Variants in TPP2 observed in about 807,000 individuals in gnomAD.
TPP2 encodes tripeptidyl-peptidase 2.
TPP2 carries 34 observed loss-of-function variants against 155.9 expected under a neutral mutation model. The ratio of observed to expected loss-of-function variants is 0.22; its 90% confidence interval spans 0.17 to 0.29. TPP2 has a LOEUF of 0.29. Among genes scored for constraint, TPP2 ranks in the 10% least tolerant of loss-of-function variants. TPP2 has a pLI of 1.00. For synonymous variants in TPP2, 510 were observed against 529.4 expected (o/e 0.96, Z 0.50); for missense variants, 1,028 against 1,522.3 (o/e 0.68, Z 5.40).
At chr13:102,656,026 C>G (rs1446662409) in intron 24 of TPP2, among the ~76,000 whole-genome samples, 1 of 152,154 alleles carries the variant, frequency 6.6e-6, no homozygotes, top group Non-Finnish European at 1.5e-5. Flanking sequence ...CAAATCTATT[C>G]ATTTTCTCCC....
chr13:102,618,922 A>C, intron 5 of TPP2, 76 bp downstream of exon 5: 1 of 1,484,294 alleles, frequency 6.7e-7, no homozygotes, highest in Non-Finnish European at 8.9e-7. Context: ...AAATGCTCAG[A>C]GCTGCACAGA....
At position 102,674,421 on chromosome 13, in the gene TPP2, A is replaced by G; in HGVS notation, c.3510A>G (p.Glu1170=). 6.2e-7 allele frequency: 1 copy of G among 1,613,964 alleles called. No homozygotes were observed. The highest frequency in any genetic ancestry group is 8.5e-7 in the Non-Finnish European group (1 of 1,179,874). Residue 1170 remains glutamate (E), a synonymous_variant, in exon 28 of 30, where the codon GAA becomes GAG. Coordinates refer to ENST00000376052, the MANE Select transcript of TPP2 (RefSeq NM_001330588.2). ...CAGAAGGAAAGGAGGAGGAAGGAGA[A>G]AGTCCTTTGGATTCTCTGGCAGAAA... The part of the protein sequence containing the change: ...TDAEGKEEEG[E]SPLDSLAETF...
chr13:102,678,621 G>A lies in TPP2; in HGVS notation c.*305G>A, dbSNP rs1163627255. 9.1e-6 allele frequency: 2 copies of A among 219,078 alleles called. No individual in the cohort carries two copies. The highest frequency in any genetic ancestry group is 1.8e-5 in the Non-Finnish European group (2 of 109,716). The allele number at this position is 219,078 out of a possible 1,614,324, so 13.6% of individuals were successfully genotyped here. ...TGACATGCATGATAGGTTTTGGAAGGTAACTTTTAACTGCAAACCTATAAA... is the reference window on the plus strand; with the variant it reads ...TGACATGCATGATAGGTTTTGGAAGATAACTTTTAACTGCAAACCTATAAA... On this transcript the variant is annotated 3_prime_UTR_variant, in exon 30 of 30. Transcript: ENST00000376052.
At position 102,673,160 on chromosome 13, in the gene TPP2, A is replaced by G. The variant is rs557123028; in HGVS notation, c.3372-1123A>G. 3.3e-5 allele frequency among the ~76,000 whole-genome samples: 5 copies of G among 152,304 alleles called. No individual in the cohort carries two copies. The South Asian group carries it at 6.2e-4, about 19-fold the overall frequency. On this transcript the variant is annotated intron_variant, in intron 27 of 29. Coordinates refer to ENST00000376052, the MANE Select transcript of TPP2 (RefSeq NM_001330588.2). Reference sequence around the variant, plus strand: ...GTACTTAGCGTTCATGTTCCCTGCCATGCGGCCTCTTAGATTAACAGGACT... The same window carrying G: ...GTACTTAGCGTTCATGTTCCCTGCCGTGCGGCCTCTTAGATTAACAGGACT...
At chr13:102,632,389 T>A (rs1882078315) in intron 10 of TPP2, among the ~76,000 whole-genome samples, 1 of 151,754 alleles carries the variant, frequency 6.6e-6, no homozygotes, top group Non-Finnish European at 1.5e-5. Flanking sequence ...TTACAGGCGC[T>A]CACCACCACA....
At chr13:102,604,408 T>A (rs756711974) in intron 1 of TPP2, among the ~76,000 whole-genome samples, 3 of 152,316 alleles carry the variant, frequency 2.0e-5, no homozygotes, top group Non-Finnish European at 4.4e-5. Flanking sequence ...TTTTCCCTAA[T>A]ACCCAGTGTG....
intron 12 of TPP2, 42 bp from the exon 13 acceptor site, chr13:102,636,182 A>G: frequency 6.6e-7 from 1 of 1,519,776 alleles, no homozygotes. Context: ...ATATTTTTTG[A>G]CCCAACCATT....
rs115028865 is a variant in TPP2 at position 102,672,356 on chromosome 13, G to A, written c.3372-1927G>A. Among the ~76,000 whole-genome samples the A allele has an allele frequency of 4.9e-3, 752 of 152,284 alleles. 7 individuals are homozygous for A. The highest frequency in any genetic ancestry group is 0.017 in the African/African-American group (715 of 41,546). ...CAGTCCTGCTTGTGAATGATCAGAGGTTGGGTTTTGGGGACAGGAGGAAAC... is the reference window on the plus strand; with the variant it reads ...CAGTCCTGCTTGTGAATGATCAGAGATTGGGTTTTGGGGACAGGAGGAAAC... On this transcript the variant is annotated intron_variant, in intron 27 of 29. Coordinates refer to ENST00000376052, the MANE Select transcript of TPP2 (RefSeq NM_001330588.2).
Position 102,670,949 on chromosome 13 carries a change from C to T in TPP2, c.3372-3334C>T, listed in dbSNP as rs188170230. On this transcript the variant is annotated intron_variant, in intron 27 of 29. Coordinates refer to ENST00000376052, the MANE Select transcript of TPP2 (RefSeq NM_001330588.2). Reference sequence around the variant, plus strand: ...CATATAGACTTACAAGTCCTGGCTCCGTTGGAGCTGCTAGTAAAATATCAT... The same window carrying T: ...CATATAGACTTACAAGTCCTGGCTCTGTTGGAGCTGCTAGTAAAATATCAT... Among the ~76,000 whole-genome samples the T allele has an allele frequency of 1.5e-3, 236 of 152,272 alleles. 1 individual carries two copies. Among genetic ancestry groups the T allele is most frequent in the African/African-American group, 5.3e-3 (221 of 41,556 alleles).
At chr13:102,676,496 G>A in intron 29 of TPP2, 81 bp downstream of exon 29, 1 of 1,515,738 alleles carries the variant, frequency 6.6e-7, no homozygotes. Context: ...GATTAGGACT[G>A]TGATATAGCA....
chr13:102,610,854 C>A (rs1475891634), intron 2 of TPP2, among the ~76,000 whole-genome samples: 1 of 152,120 alleles, frequency 6.6e-6, no homozygotes, highest in Non-Finnish European at 1.5e-5. Context: ...TAGCTAACAC[C>A]ATTGTACCCA....
chr13:102,647,207 C>A lies in TPP2; in HGVS notation c.2491C>A (p.Pro831Thr). Reference sequence around the variant, plus strand: ...AGTAATCTTTTTTGTTTTTTAATAGCCCAAGAGTGGGGAAGTAACTCCAAG... The same window carrying A: ...AGTAATCTTTTTTGTTTTTTAATAGACCAAGAGTGGGGAAGTAACTCCAAG... ...EMVLTYNFHQ[P>T]KSGEVTPSCP... is the part of the protein sequence containing the mutation. The change falls in exon 21 of 30, where the codon CCC becomes ACC. Residue 831 changes from proline to threonine, a missense_variant and splice_region_variant. By Grantham distance (38) the Pro-to-Thr change is conservative (BLOSUM62 -1). Around this residue, in one of 7 missense-constraint regions of TPP2, gnomAD observed 325 missense variants for 463.7 expected, o/e 0.70. Coordinates refer to ENST00000376052, the MANE Select transcript of TPP2 (RefSeq NM_001330588.2). 6.2e-7 allele frequency: 1 copy of A among 1,608,974 alleles called. No homozygotes were observed. The highest frequency in any genetic ancestry group is 8.5e-7 in the Non-Finnish European group (1 of 1,177,728).
At chr13:102,614,368 T>C (rs537233471) in intron 3 of TPP2, among the ~76,000 whole-genome samples, 172 bp downstream of exon 3, 1 of 152,354 alleles carries the variant, frequency 6.6e-6, no homozygotes, top group East Asian at 1.9e-4. Flanking sequence ...CAATGGAATG[T>C]CATCCGTGTA....
chr13:102,656,670 C>T (rs74675930), intron 24 of TPP2, among the ~76,000 whole-genome samples: 6,126 of 152,242 alleles, frequency 0.04, 187 homozygotes, highest in Non-Finnish European at 0.058. Flanking sequence ...TAAGCGTCCC[C>T]TTAAATTTAC....
Position 102,676,423 on chromosome 13 carries a change from A to G in TPP2, c.3699+8A>G. 6.2e-7 allele frequency: 1 copy of G among 1,607,244 alleles called. No homozygotes were observed. The highest frequency in any genetic ancestry group is 1.3e-5 in the African/African-American group (1 of 74,764). On this transcript the variant is annotated splice_region_variant and intron_variant, in intron 29 of 29. Coordinates refer to ENST00000376052, the MANE Select transcript of TPP2 (RefSeq NM_001330588.2). ...TGGAAAAATTGTATTCAAGTAAGTGATATTTAAAATGTCACTGTTAAGCAT... is the reference window on the plus strand; with the variant it reads ...TGGAAAAATTGTATTCAAGTAAGTGGTATTTAAAATGTCACTGTTAAGCAT...
At position 102,658,908 on chromosome 13, in the gene TPP2, C is replaced by T. The variant is rs371738995; in HGVS notation, c.3143+1701C>T. ...AAGTACTGTTGGGAACACTGGGGCCCCAATGCCCAGGAGGCTGTGGTTCCA... is the reference window on the plus strand; with the variant it reads ...AAGTACTGTTGGGAACACTGGGGCCTCAATGCCCAGGAGGCTGTGGTTCCA... On this transcript the variant is annotated intron_variant, in intron 25 of 29. Transcript: ENST00000376052. Among the ~76,000 whole-genome samples the T allele has an allele frequency of 5.3e-5, 8 of 152,252 alleles. No individual in the cohort carries two copies. The East Asian group carries it at 1.4e-3, about 26-fold the overall frequency.
Position 102,674,396 on chromosome 13 carries a change from C to A in TPP2, c.3485C>A (p.Ala1162Glu), listed in dbSNP as rs768360752. Residue 1162 changes from alanine to glutamate, a missense_variant, in exon 28 of 30, where the codon GCA becomes GAA. Physicochemically the swap from Ala to Glu is moderately radical, Grantham distance 107. Coordinates refer to ENST00000376052, the MANE Select transcript of TPP2 (RefSeq NM_001330588.2). ...CAAGACGGAGCCATTTCCACTGATG[C>A]AGAAGGAAAGGAGGAGGAAGGAGAA... Reference protein sequence around the residue: ...QAQDGAISTDAEGKEEEGESP... With the variant: ...QAQDGAISTDEEGKEEEGESP... 26 of 1,613,802 alleles carry A rather than the reference C, an allele frequency of 1.6e-5. No homozygotes were observed. Among genetic ancestry groups the A allele is most frequent in the Non-Finnish European group, 1.9e-5 (22 of 1,179,884 alleles).
intron 1 of TPP2, 101 bp from the exon 2 acceptor site, chr13:102,604,692 G>C: frequency 7.6e-7 from 1 of 1,316,112 alleles, no homozygotes; most frequent in Admixed American, 2.8e-5. Flanking sequence ...TTAAGTGAAT[G>C]TAGATTTTGT....
Position 102,622,871 on chromosome 13 carries a change from T to C in TPP2, c.621-6T>C, listed in dbSNP as rs972566544. On this transcript the variant is annotated splice_region_variant and splice_polypyrimidine_tract_variant and intron_variant, in intron 5 of 29. Coordinates refer to ENST00000376052, the MANE Select transcript of TPP2 (RefSeq NM_001330588.2). ...TTTACTGTCTCCATTTCTTTTTAAT[T>C]AATAGAGCCTGCATTGATTCTAATG... 1.9e-6 allele frequency: 3 copies of C among 1,589,676 alleles called. No individual in the cohort carries two copies. The African/African-American group carries it at 4.1e-5, about 22-fold the overall frequency.
Sources: allele counts gnomAD v4.1 joint callset (sites outside exome capture counted in the v4.1 genomes callset), GRCh38; gene constraint gnomAD v4.1.1; regional missense constraint gnomAD v4.1.1; transcripts MANE v1.5; gene names NCBI Gene and HGNC (gene_info 2026-07-23, HGNC 2026-07-21).